Variants in OPCML observed in about 807,000 individuals in gnomAD.
The protein encoded by OPCML is opioid binding protein/cell adhesion molecule like, also known as opioid-binding protein/cell adhesion molecule.
Under a neutral mutation model 37.8 loss-of-function variants are expected in OPCML, and 13 were observed. The ratio of observed to expected loss-of-function variants is 0.34; its 90% CI spans 0.22 to 0.55. The LOEUF (loss-of-function observed/expected upper bound fraction) is 0.55. Ranked by LOEUF, OPCML falls within the 20% of genes least tolerant of loss-of-function variation. The probability of loss-of-function intolerance (pLI) is 0.91; values close to 1 mark genes in which losing one functional copy is unlikely to be tolerated. For synonymous variants in OPCML, 176 were observed against 168.8 expected (o/e 1.04, Z -0.33); for missense variants, 341 against 435.6 (o/e 0.78, Z 1.93).
chr11:132,960,498 C>T (rs965520373), intron 1 of OPCML, among the ~76,000 whole-genome samples: 1 of 152,126 alleles, frequency 6.6e-6, no homozygotes, highest in African/African-American at 2.4e-5. Flanking sequence ...AAGGCAGGAT[C>T]CCTGCAAAAG....
intron 7 of OPCML, among the ~76,000 whole-genome samples, chr11:132,434,408 C>G (rs1344432056): frequency 6.6e-6 from 1 of 152,190 alleles, no homozygotes; most frequent in South Asian, 2.1e-4. Context: ...CTTCTAAATG[C>G]CTCAGCGACT....
intron 1 of OPCML, among the ~76,000 whole-genome samples, chr11:133,322,170 T>C (rs751870604): frequency 6.6e-6 from 1 of 152,186 alleles, no homozygotes; most frequent in Non-Finnish European, 1.5e-5. Flanking sequence ...TCTTTCTTAC[T>C]CAGCATTTGA....
At chr11:132,776,060 G>T (rs1316683528) in intron 2 of OPCML, among the ~76,000 whole-genome samples, 2 of 152,102 alleles carry the variant, frequency 1.3e-5, no homozygotes, top group Non-Finnish European at 2.9e-5. Context: ...CTCCCAAGTA[G>T]CTGGGACTAC....
rs753844388 is a variant in OPCML, at chr11:132,437,223, G to A, written c.642C>T (p.Asn214=). Residue 214 remains asparagine, a splice_region_variant and synonymous_variant, in exon 5 of 8, where the codon AAC becomes AAT. Coordinates refer to ENST00000524381, the MANE Select transcript of OPCML (RefSeq NM_001012393.5). ...CCCCCTGGCTGCAGGTCCACTCACA[G>A]TTTACAGTGATTTTTACTTTCCGCA... is the stretch of plus-strand genomic sequence containing the variant. ...PDVRKVKITV[N]YPPYISKAKN... 2 of 1,613,562 alleles carry A rather than the reference G, an allele frequency of 1.2e-6. No homozygotes were observed. Among genetic ancestry groups the A allele is most frequent in the Non-Finnish European group, 1.7e-6 (2 of 1,179,520 alleles).
At chr11:132,790,372 T>C (rs1446636613) in intron 2 of OPCML, among the ~76,000 whole-genome samples, 1 of 152,234 alleles carries the variant, frequency 6.6e-6, no homozygotes, top group Non-Finnish European at 1.5e-5. Context: ...GTTGAAATGT[T>C]CCCAGCACAA....
intron 1 of OPCML, among the ~76,000 whole-genome samples, chr11:133,221,363 C>CT: frequency 6.6e-6 from 1 of 152,348 alleles, no homozygotes; most frequent in South Asian, 2.1e-4. Context: ...CCTTTCTCAC[C>CT]TTCACATAAC....
chr11:132,615,579 C>T (rs1043008594), intron 3 of OPCML, among the ~76,000 whole-genome samples: 5 of 151,894 alleles, frequency 3.3e-5, no homozygotes, highest in Admixed American at 3.3e-4. Flanking sequence ...GTAGCATTTA[C>T]ATTTATTAGG....
At chr11:132,884,243 C>T (rs896786600) in intron 2 of OPCML, among the ~76,000 whole-genome samples, 3 of 152,136 alleles carry the variant, frequency 2.0e-5, no homozygotes, top group Admixed American at 1.3e-4. Flanking sequence ...AAAGAGATTA[C>T]TAATAGGACA....
chr11:133,015,395 TGAAGGAAG>T (rs1212156985), intron 1 of OPCML, among the ~76,000 whole-genome samples: 10,513 of 68,390 alleles, frequency 0.15, 939 homozygotes, highest in East Asian at 0.3. Context: ...AAGGAAGGAA[TGAAGGAAG>T]GAAGGAAGGA....
At chr11:133,021,139 G>A (rs1418664469) in intron 1 of OPCML, among the ~76,000 whole-genome samples, 1 of 152,110 alleles carries the variant, frequency 6.6e-6, no homozygotes, top group Admixed American at 6.5e-5. Context: ...ACTGAATTAG[G>A]CATCAAGATG....
At position 132,900,695 on chromosome 11, in the gene OPCML, T is replaced by C. The variant is rs1944028153; in HGVS notation, c.146+42231A>G. ...TTTCTCCTTCCTGCCCTATGGGCTCTGCACATTCTGTTCCTTCTCTATGAA... is the reference window on the plus strand; with the variant it reads ...TTTCTCCTTCCTGCCCTATGGGCTCCGCACATTCTGTTCCTTCTCTATGAA... On this transcript the variant is annotated intron_variant, in intron 2 of 7. Coordinates refer to ENST00000524381, the MANE Select transcript of OPCML (RefSeq NM_001012393.5). Among the ~76,000 whole-genome samples, 4 of 152,198 alleles carry C rather than the reference T, an allele frequency of 2.6e-5. No individual in the cohort carries two copies. In the South Asian group the frequency reaches 8.3e-4, roughly 31 times the overall value.
intron 1 of OPCML, among the ~76,000 whole-genome samples, chr11:133,050,856 G>A (rs1431348802): frequency 6.6e-6 from 1 of 152,006 alleles, no homozygotes; most frequent in Non-Finnish European, 1.5e-5. Context: ...TCATTAGGAG[G>A]CTTAATTATT....
Position 133,015,289 on chromosome 11 carries a change from T to C in OPCML, c.62-72279A>G, listed in dbSNP as rs1379051433. Among the ~76,000 whole-genome samples, 3 of 150,034 alleles carry C rather than the reference T, an allele frequency of 2.0e-5. No homozygotes were observed. In the East Asian group the frequency reaches 5.9e-4, roughly 30 times the overall value. On this transcript the variant is annotated intron_variant, in intron 1 of 7. Coordinates refer to ENST00000524381, the MANE Select transcript of OPCML (RefSeq NM_001012393.5). ...TTTGGCTTCTGTGTTGGGTAGAGTG[T>C]TAGAAAGTATGCGTTGTATTATGAA...
intron 1 of OPCML, chr11:133,423,409 A>G (rs1945934124): frequency 2.0e-6 from 2 of 985,400 alleles, no homozygotes; most frequent in Non-Finnish European, 2.4e-6. Context: ...GGTAGGAGAT[A>G]ACTCAGAGAG....
intron 1 of OPCML, among the ~76,000 whole-genome samples, chr11:133,053,043 T>C (rs1246857374): frequency 6.6e-6 from 1 of 152,258 alleles, no homozygotes; most frequent in Non-Finnish European, 1.5e-5. Context: ...CTAACAACAG[T>C]TAAGAATTTC....
intron 1 of OPCML, among the ~76,000 whole-genome samples, chr11:133,242,535 G>C (rs780555561): frequency 5.9e-5 from 9 of 152,182 alleles, no homozygotes; most frequent in Non-Finnish European, 1.0e-4. Context: ...ATGTCCTCAT[G>C]GGGTCTTTCT....
At chr11:132,997,170 A>G (rs1946903457) in intron 1 of OPCML, among the ~76,000 whole-genome samples, 1 of 152,092 alleles carries the variant, frequency 6.6e-6, no homozygotes, top group Non-Finnish European at 1.5e-5. Flanking sequence ...GACCTGGGAG[A>G]TAGCCATCAC....
intron 3 of OPCML, among the ~76,000 whole-genome samples, chr11:132,637,946 T>C (rs146251242): frequency 6.6e-6 from 1 of 152,218 alleles, no homozygotes; most frequent in African/African-American, 2.4e-5. Context: ...TGGGAAAGCT[T>C]TCCTTATTGG....
intron 1 of OPCML, among the ~76,000 whole-genome samples, chr11:133,002,985 A>C (rs1198626906): frequency 6.6e-6 from 1 of 152,218 alleles, no homozygotes; most frequent in African/African-American, 2.4e-5. Flanking sequence ...GTTAAAAGTC[A>C]CAGTGACTTT....
Sources: gnomAD v4.1 joint callset for allele counts (sites outside exome capture counted in the v4.1 genomes callset) on GRCh38, gnomAD v4.1.1 for gene constraint, MANE v1.5 for transcripts, NCBI Gene and HGNC (gene_info 2026-07-23, HGNC 2026-07-21) for gene names.